Variants in ZNF630 observed in about 807,000 individuals in gnomAD.
The protein encoded by ZNF630 is zinc finger protein 630, also known as dJ54B20.2 (novel KRAB box containing C2H2 type zinc finger protein).
A neutral mutation model predicts 7.2 loss-of-function variants in ZNF630; 5 were observed. The observed-to-expected ratio is 0.70, with a 90% confidence interval of 0.36 to 1.46. The LOEUF is 1.46. Among genes scored for constraint, ZNF630 ranks in the 40% most tolerant of loss-of-function variants. The pLI is 0.03. For missense variants in ZNF630, 461 were observed against 477.0 expected (o/e 0.97, Z 0.31); for synonymous variants, 158 against 162.8 (o/e 0.97, Z 0.23).
In ZNF630 at chrX:48,059,109, G is replaced by A; in HGVS notation, c.1333C>T (p.His445Tyr). 13 of 1,208,435 alleles carry A rather than the reference G, an allele frequency of 1.1e-5. No individual in the cohort carries two copies. Among genetic ancestry groups the A allele is most frequent in the Non-Finnish European group, 1.2e-5 (11 of 893,223 alleles). The change falls in exon 5 of 5, where the codon CAC becomes TAC. Residue 445 changes from histidine (H) to tyrosine (Y), a missense_variant. Transcript: ENST00000276054. ...TGAATTCTTTGATGTCCTATGAGGTGGGACTGTTGGCAGAAAGTTTTCCCA... is the reference window on the plus strand; with the variant it reads ...TGAATTCTTTGATGTCCTATGAGGTAGGACTGTTGGCAGAAAGTTTTCCCA... Reference protein sequence around the residue: ...ECGKTFCQQSHLIGHQRIHTG... With the variant: ...ECGKTFCQQSYLIGHQRIHTG...
rs1053137883 is a variant in ZNF630 at position 48,071,362 on chromosome X, G to A, written c.-271C>T. On this transcript the variant is annotated 5_prime_UTR_variant, in exon 1 of 5. Transcript: ENST00000276054. ...ATTTCCCTTCCAGTCTTCCCGGAGAGATGTCAGGGTGACGAGGGAGCTTAT... is the reference window on the plus strand; with the variant it reads ...ATTTCCCTTCCAGTCTTCCCGGAGAAATGTCAGGGTGACGAGGGAGCTTAT... 1.8e-5 allele frequency: 2 copies of A among 110,728 alleles called. No individual in the cohort carries two copies. Among genetic ancestry groups the A allele is most frequent in the Admixed American group, 1.9e-4 (2 of 10,472 alleles). 9.1% of individuals were successfully genotyped at this position (110,728 alleles called of 1,213,427 possible).
chrX:48,070,989 C>T (rs1209004110), intron 1 of ZNF630: 1 of 109,098 alleles, frequency 9.2e-6, no homozygotes, highest in Non-Finnish European at 1.9e-5. Context: ...CACGGATCAG[C>T]ATCCCTCACC....
intron 2 of ZNF630, among the ~76,000 whole-genome samples, chrX:48,065,455 A>AAGAAAGAG (rs1491400536): frequency 3.2e-5 from 2 of 62,108 alleles, no homozygotes; most frequent in African/African-American, 9.5e-5. Context: ...GAAAGAAAGA[A>AAGAAAGAG]AGAGAGAGAG....
chrX:48,063,460 A>C (rs2146505532), intron 2 of ZNF630, among the ~76,000 whole-genome samples: 1 of 111,642 alleles, frequency 9.0e-6, no homozygotes, highest in South Asian at 3.7e-4. Context: ...TATAATGCTT[A>C]ATCATAAAAA....
Position 48,066,939 on chromosome X carries a change from C to T in ZNF630, c.-53G>A. 2.6e-6 allele frequency: 3 copies of T among 1,170,495 alleles called. No individual in the cohort carries two copies. The Middle Eastern group carries it at 7.1e-4, about 275-fold the overall frequency. ...GGGGCGGGGTGGGGTGCAGAAGAGT[C>T]TTCGGAGATCAAGCTGAGTTAACCA... On this transcript the variant is annotated 5_prime_UTR_variant, in exon 2 of 5. Transcript: ENST00000276054.
chrX:48,063,745 G>A (rs12395370), intron 2 of ZNF630, among the ~76,000 whole-genome samples: 2,985 of 110,159 alleles, frequency 0.027, 53 homozygotes, highest in Middle Eastern at 0.069. Context: ...AAAATTAGCC[G>A]GGCGTGGTGG....
intron 2 of ZNF630, among the ~76,000 whole-genome samples, chrX:48,061,394 A>G (rs960262878): frequency 9.0e-6 from 1 of 111,703 alleles, no homozygotes; most frequent in African/African-American, 3.3e-5. Context: ...AACACTGATA[A>G]ATGTGACTAC....
At position 48,057,516 on chromosome X, in the gene ZNF630, T is replaced by A. The variant is rs148429802; in HGVS notation, c.*952A>T. On this transcript the variant is annotated 3_prime_UTR_variant, in exon 5 of 5. Transcript: ENST00000276054. ...AAAAATGCATGAACTGCAACACAGG[T>A]GAGGGAGAGTAAAAGAAATAAAATA... Among the ~76,000 whole-genome samples the A allele has an allele frequency of 2.4e-4, 26 of 109,105 alleles. No homozygotes were observed. In the East Asian group the frequency reaches 7.2e-3, roughly 30 times the overall value. The allele number at this position is 109,105 out of a possible 115,157, so 94.7% of individuals were successfully genotyped here.
intron 4 of ZNF630, 76 bp downstream of exon 4, chrX:48,060,374 A>G (rs2059099182): frequency 4.7e-6 from 5 of 1,059,822 alleles, no homozygotes; most frequent in Non-Finnish European, 6.4e-6. Flanking sequence ...TTTAAGGAAG[A>G]AAAAAGGTAA....
rs1556908771 is a variant in ZNF630 at position 48,059,834 on chromosome X, G to T, written c.608C>A (p.Pro203His). 1 of 1,206,542 alleles carries T rather than the reference G, an allele frequency of 8.3e-7. No homozygotes were observed. The highest frequency in any genetic ancestry group is 1.1e-6 in the Non-Finnish European group (1 of 892,914). Residue 203 changes from proline (P) to histidine (H), a missense_variant, in exon 5 of 5, where the codon CCC becomes CAC. Transcript: ENST00000276054. The part of the protein sequence containing the change: ...NYNRSYARKN[P>H]TKRFRCGRPP... ...TCTCCCACATCTAAATCTCTTAGTG[G>T]GGTTCTTTCTTGCATAGCTCCTGTT...
Position 48,061,094 on chromosome X carries a change from C to A in ZNF630, c.16-149G>T, listed in dbSNP as rs2059103579. 1.0e-5 allele frequency: 4 copies of A among 385,650 alleles called. No homozygotes were observed. The East Asian group carries it at 1.3e-4, about 12-fold the overall frequency. 31.8% of individuals were successfully genotyped at this position (385,650 alleles called of 1,213,427 possible). ...CCATTAGCAAGAATAGTTAGTGGAA[C>A]AGAACAGACAGTCTAGAAATAGATA... is the stretch of plus-strand genomic sequence containing the variant. On this transcript the variant is annotated intron_variant, in intron 2 of 4. Transcript: ENST00000276054.
Position 48,060,088 on chromosome X carries a change from G to T in ZNF630, c.354C>A (p.Ile118=). 1.7e-6 allele frequency: 2 copies of T among 1,196,447 alleles called. No homozygotes were observed. The highest frequency in any genetic ancestry group is 2.3e-6 in the Non-Finnish European group (2 of 886,287). ...KDNSLYSVLK[I]WHIDNQMDRY... ...TATCCATCTGATTATCAATATGCCA[G>T]ATTTTTAAAACAGAGTACAATGAAT... Residue 118 remains isoleucine (I), a synonymous_variant, in exon 5 of 5, where the codon ATC becomes ATA. Transcript: ENST00000276054.
Position 48,060,007 on chromosome X carries a change from T to C in ZNF630, c.435A>G (p.Glu145=). The change falls in exon 5 of 5, where the codon GAA becomes GAG. Residue 145 remains glutamate (E), a synonymous_variant. Transcript: ENST00000276054. ...VLRQVTVISR[E]TLTDEMGSKY... is the part of the protein sequence containing the mutation. ...TGGAACCCATCTCATCAGTCAATGTTTCACGACTGATGACTGTGACCTGCC... is the reference window on the plus strand; with the variant it reads ...TGGAACCCATCTCATCAGTCAATGTCTCACGACTGATGACTGTGACCTGCC... 8.3e-7 allele frequency: 1 copy of C among 1,207,977 alleles called. No individual in the cohort carries two copies. Among genetic ancestry groups the C allele is most frequent in the Non-Finnish European group, 1.1e-6 (1 of 892,887 alleles).
chrX:48,070,756 T>C (rs1432319327), intron 1 of ZNF630, among the ~76,000 whole-genome samples: 1 of 110,541 alleles, frequency 9.0e-6, no homozygotes, highest in Non-Finnish European at 1.9e-5. Flanking sequence ...TCAAACTTAT[T>C]GGTCATGAGG....
rs1556908381 is a variant in ZNF630, at chrX:48,058,948, C to A, written c.1494G>T (p.Gln498His). 1.7e-6 allele frequency: 2 copies of A among 1,208,154 alleles called. No homozygotes were observed. Among genetic ancestry groups the A allele is most frequent in the Non-Finnish European group, 1.1e-6 (1 of 893,186 alleles). ...MCTECGKSFS[Q>H]KSPLIIHQRI... ...TCTGGTGTATGATAAGAGGTGATTT[C>A]TGAGAGAAGGATTTTCCACATTCAG... Residue 498 changes from glutamine to histidine, a missense_variant, in exon 5 of 5, where the codon CAG (glutamine) becomes CAT (histidine). Physicochemically the swap from Gln to His is conservative, Grantham distance 24 (BLOSUM62 0). Transcript: ENST00000276054.
At position 48,066,972 on chromosome X, in the gene ZNF630, A is replaced by G; in HGVS notation, c.-86T>C. ...ATCAAGCTGAGTTAACCACTCTTCAACAGCTGGATGTGACAATGTGTTGCT... is the reference window on the plus strand; with the variant it reads ...ATCAAGCTGAGTTAACCACTCTTCAGCAGCTGGATGTGACAATGTGTTGCT... On this transcript the variant is annotated 5_prime_UTR_variant, in exon 2 of 5. Coordinates refer to ENST00000276054, the MANE Select transcript of ZNF630 (RefSeq NM_001282201.2). 1 of 990,251 alleles carries G rather than the reference A, an allele frequency of 1.0e-6. No individual in the cohort carries two copies. The highest frequency in any genetic ancestry group is 1.4e-6 in the Non-Finnish European group (1 of 703,589). 81.6% of individuals were successfully genotyped at this position (990,251 alleles called of 1,213,427 possible).
rs2059076133 is a variant in ZNF630, at chrX:48,057,625, A to T, written c.*843T>A. ...GTTGGAGAAATAACCACAGATATAA[A>T]GGAAATTAATCATGAGACTACTTTA... On this transcript the variant is annotated 3_prime_UTR_variant, in exon 5 of 5. Transcript: ENST00000276054. Among the ~76,000 whole-genome samples, 1 of 111,613 alleles carries T rather than the reference A, an allele frequency of 9.0e-6. No individual in the cohort carries two copies. Among genetic ancestry groups the T allele is most frequent in the African/African-American group, 3.3e-5 (1 of 30,601 alleles).
At position 48,059,634 on chromosome X, in the gene ZNF630, TC is replaced by T. The variant is rs781901656; in HGVS notation, c.807del (p.Ala271ProfsTer92). The T allele has an allele frequency of 4.1e-6, 5 of 1,208,849 alleles. No individual in the cohort carries two copies. Among genetic ancestry groups the T allele is most frequent in the Middle Eastern group, 2.3e-4 (1 of 4,348 alleles). On this transcript the variant is annotated frameshift_variant, in exon 5 of 5. Coordinates refer to ENST00000276054, the MANE Select transcript of ZNF630 (RefSeq NM_001282201.2). LOFTEE classifies it low-confidence loss of function (END_TRUNC). ...REKPNVCSMC[G>X]KAFIKKSQLI... is the part of the protein sequence containing the mutation. ...AGCTGTGACTTCTTGATAAAGGCTT[TC>T]CCACACATACTACAAACATTGGGTT...
Position 48,059,335 on chromosome X carries a change from ATGAACTCTC to A in ZNF630, c.1098_1106del (p.Gln366_Val368del). 3 of 1,208,463 alleles carry A rather than the reference ATGAACTCTC, an allele frequency of 2.5e-6. No homozygotes were observed. The highest frequency in any genetic ancestry group is 3.4e-6 in the Non-Finnish European group (3 of 893,279). ...TGCATTCAAAGGGCTTCTCTCTGGT[ATGAACTCTC>A]TGATGTATAATTAGATGTGACTTCT... On this transcript the variant is annotated inframe_deletion, in exon 5 of 5. Transcript: ENST00000276054.
Sources: allele counts gnomAD v4.1 joint callset (sites outside exome capture counted in the v4.1 genomes callset), GRCh38; gene constraint gnomAD v4.1.1; transcripts MANE v1.5; gene names NCBI Gene and HGNC (gene_info 2026-07-23, HGNC 2026-07-21).